Variants in ANKFN1 observed in about 807,000 individuals in gnomAD.
The protein encoded by ANKFN1 is ankyrin repeat and fibronectin type-III domain-containing protein 1.
In ANKFN1, 74 loss-of-function variants were observed where a neutral mutation model predicts 108.7. The observed-to-expected ratio is 0.68, with a 90% CI of 0.56 to 0.83. The LOEUF is 0.83. Ranked by LOEUF, ANKFN1 falls within the 40% of genes least tolerant of loss-of-function variation. ANKFN1 has a pLI of 0.00. For synonymous variants in ANKFN1, 547 were observed against 516.2 expected (o/e 1.06, Z -0.81); for missense variants, 1,505 against 1,382.3 (o/e 1.09, Z -1.41).
intron 8 of ANKFN1, among the ~76,000 whole-genome samples, chr17:56,394,010 C>T (rs2047510605): frequency 6.6e-6 from 1 of 152,242 alleles, no homozygotes; most frequent in African/African-American, 2.4e-5. Context: ...ACAGACTAAA[C>T]ACAGTCCCCT....
chr17:56,357,713 C>T (rs2046410981), intron 6 of ANKFN1, among the ~76,000 whole-genome samples: 1 of 152,066 alleles, frequency 6.6e-6, no homozygotes, highest in African/African-American at 2.4e-5. Context: ...AGAGGAAAAC[C>T]AGTCTGCCAG....
In ANKFN1 at chr17:56,457,883, T is replaced by C; in HGVS notation, c.1461T>C (p.Asp487=). The change falls in exon 14 of 21, where the codon GAT becomes GAC. Residue 487 remains aspartate, a synonymous_variant. Coordinates refer to ENST00000682825, the MANE Select transcript of ANKFN1 (RefSeq NM_001370326.1). ...TGCAGCTGTCTTGTATGTGGGAAGA[T>C]ATAAGGTGGCTGAGGCAAAGCATAC... ...WFTKLSCMWE[D]IRWLRQSIPI... 6.2e-7 allele frequency: 1 copy of C among 1,613,718 alleles called. No individual in the cohort carries two copies. Among genetic ancestry groups the C allele is most frequent in the Non-Finnish European group, 8.5e-7 (1 of 1,179,912 alleles).
rs192212553 is a variant in ANKFN1, at chr17:56,511,160, G to A, written c.3332G>A (p.Ser1111Asn). 3 of 1,536,038 alleles carry A rather than the reference G, an allele frequency of 2.0e-6. No homozygotes were observed. Among genetic ancestry groups the A allele is most frequent in the Admixed American group, 3.9e-5 (2 of 51,008 alleles). Residue 1111 changes from serine to asparagine, a missense_variant, in exon 21 of 21, where the codon AGC (serine) becomes AAC (asparagine). Transcript: ENST00000682825. Reference protein sequence around the residue: ...AQDEKPWASLSPPSGGRITLP... With the variant: ...AQDEKPWASLNPPSGGRITLP... The stretch of plus-strand genomic sequence containing the variant: ...GACGAAAAACCATGGGCAAGCTTGA[G>A]CCCGCCCTCTGGAGGCCGCATCACC...
Position 56,511,414 on chromosome 17 carries a change from C to A in ANKFN1, c.*145C>A. 1 of 975,590 alleles carries A rather than the reference C, an allele frequency of 1.0e-6. No homozygotes were observed. The highest frequency in any genetic ancestry group is 1.5e-6 in the Non-Finnish European group (1 of 684,402). The allele number at this position is 975,590 out of a possible 1,614,324, so 60.4% of individuals were successfully genotyped here. A position where few individuals can be genotyped will look rare whatever the true frequency, so the allele number is the denominator to read the frequency against. On this transcript the variant is annotated 3_prime_UTR_variant, in exon 21 of 21. Transcript: ENST00000682825. ...ACAAAGGTTACAAGTTCAAGGTCCT[C>A]TTTTTTTGGAACAGAGTGGTGGGTG...
intron 8 of ANKFN1, among the ~76,000 whole-genome samples, chr17:56,429,648 T>A (rs188347776): frequency 7.8e-4 from 119 of 152,312 alleles, no homozygotes; most frequent in African/African-American, 2.8e-3. Context: ...TAGATTTTAT[T>A]CCAGGTGCAT....
intron 4 of ANKFN1, among the ~76,000 whole-genome samples, chr17:56,096,504 T>C (rs1387617831): frequency 1.3e-5 from 2 of 152,156 alleles, no homozygotes; most frequent in African/African-American, 4.8e-5. Context: ...GGGTAGTATG[T>C]TTGGTAGTAA....
chr17:56,091,478 C>A (rs1414407804), intron 4 of ANKFN1, among the ~76,000 whole-genome samples: 1 of 146,542 alleles, frequency 6.8e-6, no homozygotes, highest in Non-Finnish European at 1.5e-5. Context: ...CATTTCTCAA[C>A]ATTCTTTTCA....
chr17:56,297,745 C>T (rs1287122223), intron 3 of ANKFN1, among the ~76,000 whole-genome samples: 3 of 152,180 alleles, frequency 2.0e-5, no homozygotes, highest in African/African-American at 7.2e-5. Flanking sequence ...TAGTGCCTCA[C>T]AACCTTAGGT....
intron 1 of ANKFN1, chr17:56,206,360 A>G (rs990373467): frequency 3.3e-5 from 5 of 152,208 alleles, no homozygotes; most frequent in African/African-American, 1.2e-4. Context: ...GCCCATGATT[A>G]CATGATAGTC....
intron 8 of ANKFN1, among the ~76,000 whole-genome samples, chr17:56,430,325 T>C (rs1408155771): frequency 6.6e-6 from 1 of 151,870 alleles, no homozygotes; most frequent in African/African-American, 2.4e-5. Flanking sequence ...TTAAAAAAGG[T>C]CACAAACAGA....
chr17:56,431,843 C>T (rs2048766899), intron 8 of ANKFN1, among the ~76,000 whole-genome samples: 1 of 152,238 alleles, frequency 6.6e-6, no homozygotes, highest in Admixed American at 6.5e-5. Context: ...TGTAAACTGA[C>T]TACGTATCTT....
At chr17:56,454,354 C>G (rs918980434) in intron 11 of ANKFN1, among the ~76,000 whole-genome samples, 1 of 152,170 alleles carries the variant, frequency 6.6e-6, no homozygotes, top group African/African-American at 2.4e-5. Context: ...CAAGTCTTCT[C>G]TTACTTCTCA....
chr17:56,497,692 C>G (rs1484908413), intron 19 of ANKFN1, among the ~76,000 whole-genome samples: 1 of 152,114 alleles, frequency 6.6e-6, no homozygotes. Context: ...TACCTTCTAT[C>G]TGGAAGTTAG....
At chr17:56,333,583 G>A (rs1460866564) in intron 4 of ANKFN1, among the ~76,000 whole-genome samples, 3 of 151,704 alleles carry the variant, frequency 2.0e-5, no homozygotes, top group South Asian at 2.1e-4. Context: ...TTTTGCTAAC[G>A]TTTTGTTGAA....
At chr17:56,127,216 G>A (rs921252422) in intron 4 of ANKFN1, among the ~76,000 whole-genome samples, 14 of 152,158 alleles carry the variant, frequency 9.2e-5, no homozygotes, top group African/African-American at 3.4e-4. Context: ...GGAAATTGAG[G>A]CTCAGGATGA....
intron 1 of ANKFN1, among the ~76,000 whole-genome samples, chr17:56,177,316 T>C (rs577067871): frequency 4.6e-5 from 7 of 152,338 alleles, no homozygotes; most frequent in Non-Finnish European, 7.3e-5. Flanking sequence ...TGCATGCCCT[T>C]CTGCCACTGC....
At chr17:56,329,685 T>C (rs1180174879) in intron 4 of ANKFN1, among the ~76,000 whole-genome samples, 2 of 152,210 alleles carry the variant, frequency 1.3e-5, no homozygotes, top group Non-Finnish European at 2.9e-5. Context: ...ATGGCTATTA[T>C]GGGATTCAAT....
intron 4 of ANKFN1, among the ~76,000 whole-genome samples, chr17:56,123,836 A>G (rs1471257306): frequency 7.2e-6 from 1 of 138,126 alleles, no homozygotes; most frequent in African/African-American, 2.5e-5. Flanking sequence ...ACAGAGAGAG[A>G]CACAGAGAGA....
At chr17:56,325,262 C>CTGTGTGTG (rs57226368) in intron 3 of ANKFN1, among the ~76,000 whole-genome samples, 1 of 149,514 alleles carries the variant, frequency 6.7e-6, no homozygotes, top group Admixed American at 6.6e-5. Flanking sequence ...GCTAGTGTCG[C>CTGTGTGTG]TGTGTGTGTG....
Sources: gnomAD v4.1 joint callset for allele counts (sites outside exome capture counted in the v4.1 genomes callset) on GRCh38, gnomAD v4.1.1 for gene constraint, MANE v1.5 for transcripts, NCBI Gene and HGNC (gene_info 2026-07-23, HGNC 2026-07-21) for gene names.